RAB38: variants seen among roughly 807,000 people sequenced by gnomAD.
RAB38 encodes the protein ras-related protein Rab-38.
RAB38 carries 15 observed loss-of-function variants against 18.4 expected under a neutral mutation model. The observed-to-expected ratio is 0.82, with a 90% CI of 0.55 to 1.26. The LOEUF (loss-of-function observed/expected upper bound fraction) is 1.26. Among genes scored for constraint, RAB38 ranks in the 50% most tolerant of loss-of-function variants. The probability of loss-of-function intolerance (pLI) is 0.00; values close to 1 mark genes in which losing one functional copy is unlikely to be tolerated. For missense variants in RAB38, 294 were observed against 267.4 expected (o/e 1.10, Z -0.69); for synonymous variants, 101 against 104.4 (o/e 0.97, Z 0.20).
At chr11:87,865,443 C>T in the RAB38 span, among the ~76,000 whole-genome samples, 1 of 151,660 alleles carries the variant, frequency 6.6e-6, no homozygotes, top group African/African-American at 2.4e-5. Context: ...TGGTCACAAT[C>T]AAAGAATTCT....
At chr11:88,031,222 C>T in the RAB38 span, among the ~76,000 whole-genome samples, 76 of 152,208 alleles carry the variant, frequency 5.0e-4, 1 homozygote, top group Middle Eastern at 3.4e-3. Flanking sequence ...ATTGATGGGA[C>T]GTATCTCAAA....
At chr11:88,024,628 C>T in the RAB38 span, among the ~76,000 whole-genome samples, 2 of 152,130 alleles carry the variant, frequency 1.3e-5, no homozygotes, top group Non-Finnish European at 2.9e-5. Flanking sequence ...GATTTGGAAG[C>T]ACCCTAAGAG....
chr11:87,941,212 GAGATATATATATATATATATATATAT>G, the RAB38 span, among the ~76,000 whole-genome samples: 5 of 37,780 alleles, frequency 1.3e-4, no homozygotes, highest in Non-Finnish European at 2.3e-4. Flanking sequence ...ATAAATATAT[GAGATATATATATATATATATATATAT>G]ATATATATGT....
intron 2 of RAB38, among the ~76,000 whole-genome samples, chr11:88,121,917 A>T (rs1033670357): frequency 6.6e-6 from 1 of 152,180 alleles, no homozygotes; most frequent in African/African-American, 2.4e-5. Flanking sequence ...AGGAATGAGG[A>T]CCCATGTTTT....
chr11:88,141,876 C>T (rs946565073), intron 2 of RAB38, among the ~76,000 whole-genome samples: 2 of 152,206 alleles, frequency 1.3e-5, no homozygotes, highest in Non-Finnish European at 2.9e-5. Flanking sequence ...CCCCTCCTAC[C>T]TTCCTACCCT....
intron 2 of RAB38, among the ~76,000 whole-genome samples, chr11:88,118,078 C>A (rs1413278252): frequency 6.6e-6 from 1 of 152,144 alleles, no homozygotes; most frequent in Non-Finnish European, 1.5e-5. Flanking sequence ...CACATGTTTA[C>A]TACAAAAGGC....
chr11:87,853,217 T>C, the RAB38 span, among the ~76,000 whole-genome samples: 10 of 152,202 alleles, frequency 6.6e-5, no homozygotes, highest in East Asian at 1.5e-3. Context: ...GAGTGAGTTA[T>C]AGACAGAATG....
the RAB38 span, among the ~76,000 whole-genome samples, chr11:87,938,375 A>G: frequency 1.3e-5 from 2 of 152,000 alleles, no homozygotes; most frequent in Non-Finnish European, 2.9e-5. Context: ...GGGAAGTGGA[A>G]GACTCACCAC....
At chr11:88,007,007 A>C in the RAB38 span, among the ~76,000 whole-genome samples, 33 of 152,032 alleles carry the variant, frequency 2.2e-4, no homozygotes, top group Middle Eastern at 3.4e-3. Flanking sequence ...CAAAGAAATA[A>C]TAAATTTCTC....
intron 1 of RAB38, among the ~76,000 whole-genome samples, chr11:88,171,425 T>C (rs1034530471): frequency 6.6e-6 from 1 of 152,228 alleles, no homozygotes; most frequent in African/African-American, 2.4e-5. Flanking sequence ...ATAATCATCA[T>C]TTTATAGATG....
At chr11:88,142,198 T>C (rs181973199) in intron 2 of RAB38, among the ~76,000 whole-genome samples, 1 of 152,240 alleles carries the variant, frequency 6.6e-6, no homozygotes, top group African/African-American at 2.4e-5. Flanking sequence ...TCATGGAAAA[T>C]GTGGGCTTTT....
At chr11:87,916,147 A>G in the RAB38 span, among the ~76,000 whole-genome samples, 4 of 152,124 alleles carry the variant, frequency 2.6e-5, no homozygotes, top group Non-Finnish European at 4.4e-5. Flanking sequence ...GTGCTAACAC[A>G]AATTAGGACT....
intron 2 of RAB38, among the ~76,000 whole-genome samples, chr11:88,125,749 G>C (rs966990341): frequency 6.6e-6 from 1 of 152,182 alleles, no homozygotes; most frequent in Non-Finnish European, 1.5e-5. Flanking sequence ...TTTGGCTTTT[G>C]TTGCCATTGC....
the RAB38 span, among the ~76,000 whole-genome samples, chr11:88,070,232 A>G: frequency 6.6e-6 from 1 of 152,160 alleles, no homozygotes; most frequent in Admixed American, 6.5e-5. Flanking sequence ...ACAACTCTGG[A>G]CGGGAGGAGT....
chr11:87,842,407 G>T, the RAB38 span, among the ~76,000 whole-genome samples: 1 of 152,144 alleles, frequency 6.6e-6, no homozygotes, highest in Non-Finnish European at 1.5e-5. Context: ...TCCAAGTAAA[G>T]TTCTGCAAAT....
At chr11:87,818,809 A>AT in the RAB38 span, among the ~76,000 whole-genome samples, 2 of 152,188 alleles carry the variant, frequency 1.3e-5, no homozygotes, top group East Asian at 3.9e-4. Flanking sequence ...AAGGTATAGC[A>AT]TATATGGGTG....
chr11:87,917,219 A>T, the RAB38 span, among the ~76,000 whole-genome samples: 9 of 152,216 alleles, frequency 5.9e-5, no homozygotes, highest in African/African-American at 2.2e-4. Flanking sequence ...GCATACCTGC[A>T]CCGTGCGTGG....
the RAB38 span, among the ~76,000 whole-genome samples, chr11:87,922,774 AAAAT>A: frequency 1.3e-5 from 2 of 151,908 alleles, no homozygotes; most frequent in Non-Finnish European, 2.9e-5. Context: ...TTAAAGGAAT[AAAAT>A]AAATAAGAAA....
At chr11:88,154,609 C>T (rs1205401527) in intron 1 of RAB38, among the ~76,000 whole-genome samples, 1 of 152,204 alleles carries the variant, frequency 6.6e-6, no homozygotes, top group Non-Finnish European at 1.5e-5. Flanking sequence ...TGAGCTGCCC[C>T]ACCTGTGACA....
Sources: allele counts gnomAD v4.1 joint callset (sites outside exome capture counted in the v4.1 genomes callset), GRCh38; gene constraint gnomAD v4.1.1; transcripts MANE v1.5; gene names NCBI Gene and HGNC (gene_info 2026-07-23, HGNC 2026-07-21).